The following HNRNPH3 variants were observed in gnomAD, a reference collection of about 807,000 sequenced individuals.
The protein encoded by HNRNPH3 is heterogeneous nuclear ribonucleoprotein H3.
Under a neutral mutation model 47.0 loss-of-function variants are expected in HNRNPH3, and 7 were observed. The ratio of observed to expected loss-of-function variants is 0.15; its 90% CI spans 0.08 to 0.28. The LOEUF is 0.28. Among genes scored for constraint, HNRNPH3 ranks in the 10% least tolerant of loss-of-function variants. The probability of loss-of-function intolerance (pLI) is 1.00; values close to 1 mark genes in which losing one functional copy is unlikely to be tolerated. For synonymous variants in HNRNPH3, 120 were observed against 143.2 expected (o/e 0.84, Z 1.16); for missense variants, 279 against 449.6 (o/e 0.62, Z 3.43).
upstream of HNRNPH3, chr10:68,331,947 G>A (rs1285310965): frequency 6.6e-6 from 1 of 152,318 alleles, no homozygotes; most frequent in African/African-American, 2.4e-5. Flanking sequence ...GGCGCGCTGC[G>A]TGCCGCCAGC....
rs2046009847 is a variant in HNRNPH3, at chr10:68,342,208, A to G, written c.*154A>G. The G allele has an allele frequency of 3.6e-6, 2 of 556,652 alleles. No homozygotes were observed. The highest frequency in any genetic ancestry group is 6.2e-6 in the Non-Finnish European group (2 of 321,124). 34.5% of individuals were successfully genotyped at this position (556,652 alleles called of 1,614,324 possible). ...TGGTAAAGCAACAGATTGTGATGGG[A>G]AAATGTTTTCTGTAGGTTTATTTGT... is the stretch of plus-strand genomic sequence containing the variant. On this transcript the variant is annotated 3_prime_UTR_variant, in exon 10 of 10. Transcript: ENST00000265866.
intron 4 of HNRNPH3, 85 bp from the exon 5 acceptor site, chr10:68,339,055 T>G (rs1217283870): frequency 1.8e-6 from 2 of 1,102,222 alleles, no homozygotes; most frequent in African/African-American, 3.1e-5. Context: ...ACACAGACTG[T>G]TACCACAAAA....
Position 68,339,236 on chromosome 10 carries a change from ATATT to A in HNRNPH3, c.523+11_523+14del, listed in dbSNP as rs2045696287. 3.2e-6 allele frequency: 5 copies of A among 1,581,792 alleles called. No individual in the cohort carries two copies. In the Middle Eastern group the frequency reaches 5.0e-4, roughly 158 times the overall value. ...ATGAGAGATGGAAGAGGTAAAATAA[ATATT>A]AAAGACATTTTTATTCATAGGTAAA... On this transcript the variant is annotated intron_variant, in intron 5 of 9. Coordinates refer to ENST00000265866, the MANE Select transcript of HNRNPH3 (RefSeq NM_012207.3).
chr10:68,337,251 A>T lies in HNRNPH3; in HGVS notation c.30A>T (p.Pro10=), dbSNP rs1242717225. MDWVMKHNG[P]NDASDGTVRL... Reference sequence around the variant, plus strand: ...ATTGGGTTATGAAACATAATGGTCCAAATGACGCTAGTGATGGGACAGTAC... The same window carrying T: ...ATTGGGTTATGAAACATAATGGTCCTAATGACGCTAGTGATGGGACAGTAC... Residue 10 remains proline (P), a synonymous_variant, in exon 2 of 10, where the codon CCA becomes CCT. Transcript: ENST00000265866. This position sits in a 1 kb window ranked among gnomAD's most constrained non-coding sequence, Gnocchi z 4.5. 1.2e-6 allele frequency: 2 copies of T among 1,612,602 alleles called. No individual in the cohort carries two copies. Among genetic ancestry groups the T allele is most frequent in the African/African-American group, 2.7e-5 (2 of 75,044 alleles).
intron 7 of HNRNPH3, 117 bp downstream of exon 7, chr10:68,341,426 C>CTATAA: frequency 8.8e-7 from 1 of 1,137,806 alleles, no homozygotes; most frequent in Non-Finnish European, 1.3e-6. Context: ...CATTTGACCT[C>CTATAA]TATAATGGCT....
In HNRNPH3 at chr10:68,337,875, A is replaced by G. The variant is rs1203458092; in HGVS notation, c.130A>G (p.Asn44Asp). 6.2e-7 allele frequency: 1 copy of G among 1,612,816 alleles called. No individual in the cohort carries two copies. The highest frequency in any genetic ancestry group is 8.5e-7 in the Non-Finnish European group (1 of 1,179,110). Residue 44 changes from asparagine to aspartate, a missense_variant, in exon 3 of 10, where the codon AAT (asparagine) becomes GAT (aspartate). Physicochemically the swap from Asn to Asp is conservative, Grantham distance 23. Coordinates refer to ENST00000265866, the MANE Select transcript of HNRNPH3 (RefSeq NM_012207.3). The surrounding 1 kb of genome is among the most constrained non-coding windows in gnomAD (Gnocchi z 4.5). The part of the protein sequence containing the change: ...QFFQGLEIVP[N>D]GITLTMDYQG... ...GGTTAAAGGGTTGGAAATCGTGCCA[A>G]ATGGGATAACATTGACGATGGACTA...
chr10:68,338,165 T>C, intron 3 of HNRNPH3, 169 bp downstream of exon 3: 4 of 511,932 alleles, frequency 7.8e-6, no homozygotes, highest in Non-Finnish European at 1.4e-5. Flanking sequence ...GAATTAATGC[T>C]AATAGTTAAA....
At chr10:68,339,409 G>A (rs1441204269) in intron 5 of HNRNPH3, 31 bp from the exon 6 acceptor site, 2 of 1,581,296 alleles carry the variant, frequency 1.3e-6, no homozygotes, top group Non-Finnish European at 1.7e-6. Flanking sequence ...ATCTGTAATA[G>A]TTTATAATCT....
intron 4 of HNRNPH3, 169 bp downstream of exon 4, chr10:68,338,856 T>C (rs2045670137): frequency 3.6e-6 from 2 of 552,570 alleles, no homozygotes. Flanking sequence ...GATGCACATA[T>C]TGGCACCTAG....
intron 1 of HNRNPH3, among the ~76,000 whole-genome samples, chr10:68,333,418 T>C (rs764360253): frequency 4.0e-5 from 6 of 150,996 alleles, no homozygotes; most frequent in Non-Finnish European, 7.4e-5. Flanking sequence ...AAATTGAGCT[T>C]TCGATGTTAA....
At chr10:68,336,314 T>C (rs968304990) in intron 1 of HNRNPH3, among the ~76,000 whole-genome samples, 2 of 152,138 alleles carry the variant, frequency 1.3e-5, no homozygotes, top group African/African-American at 4.8e-5. Flanking sequence ...GTAAATATTA[T>C]GGAATTTTAA....
At chr10:68,333,123 G>A (rs887601113) in intron 1 of HNRNPH3, 4 of 147,492 alleles carry the variant, frequency 2.7e-5, no homozygotes, top group East Asian at 4.0e-4. Context: ...ATTTTCCAAA[G>A]GGTTTTTTTT....
intron 3 of HNRNPH3, 64 bp downstream of exon 3, chr10:68,338,060 C>T (rs1310353825): frequency 5.9e-5 from 73 of 1,247,606 alleles, no homozygotes; most frequent in Middle Eastern, 2.0e-4. Flanking sequence ...GTCACTATTG[C>T]TTAAATGGGG....
intron 1 of HNRNPH3, chr10:68,332,791 G>A (rs1289932134): frequency 1.3e-5 from 2 of 152,308 alleles, no homozygotes; most frequent in Non-Finnish European, 2.9e-5. Context: ...TACCTGGGCT[G>A]ACGGGACTGC....
Position 68,342,256 on chromosome 10 carries a change from A to G in HNRNPH3, c.*202A>G. On this transcript the variant is annotated 3_prime_UTR_variant, in exon 10 of 10. Transcript: ENST00000265866. ...TGTTGCATACTTTGACTTAAAAATA[A>G]ATTTTTATATTCAAACCACTGATGT... The G allele has an allele frequency of 2.0e-6, 1 of 488,348 alleles. No individual in the cohort carries two copies. Among genetic ancestry groups the G allele is most frequent in the South Asian group, 3.4e-5 (1 of 29,560 alleles). 30.3% of individuals were successfully genotyped at this position (488,348 alleles called of 1,614,324 possible). A position where few individuals can be genotyped will look rare whatever the true frequency, so the allele number is the denominator to read the frequency against.
chr10:68,336,308 A>G (rs1231136773), intron 1 of HNRNPH3, among the ~76,000 whole-genome samples: 1 of 152,104 alleles, frequency 6.6e-6, no homozygotes, highest in African/African-American at 2.4e-5. Context: ...TCTTTTGTAA[A>G]TATTATGGAA....
intron 1 of HNRNPH3, among the ~76,000 whole-genome samples, chr10:68,334,126 T>C (rs937796935): frequency 3.9e-5 from 6 of 152,196 alleles, no homozygotes; most frequent in Admixed American, 2.0e-4. Flanking sequence ...AACTAACATT[T>C]TAGAGACCTT....
In HNRNPH3 at chr10:68,343,085, A is replaced by G. The variant is rs1259525339; in HGVS notation, c.*1031A>G. ...CTTTGATCAATATGGCTTTTTTCCA[A>G]ATTGGCTAATGGATCAAAATGAAAC... On this transcript the variant is annotated 3_prime_UTR_variant, in exon 10 of 10. Transcript: ENST00000265866. 1.3e-5 allele frequency: 2 copies of G among 152,208 alleles called. No individual in the cohort carries two copies. The highest frequency in any genetic ancestry group is 3.8e-4 in the East Asian group (2 of 5,204). 9.4% of individuals were successfully genotyped at this position (152,208 alleles called of 1,614,324 possible). A position where few individuals can be genotyped will look rare whatever the true frequency, so the allele number is the denominator to read the frequency against.
chr10:68,337,034 C>G lies in HNRNPH3; in HGVS notation c.-23-165C>G. 2.1e-6 allele frequency: 1 copy of G among 484,602 alleles called. No homozygotes were observed. Among genetic ancestry groups the G allele is most frequent in the Non-Finnish European group, 3.7e-6 (1 of 272,768 alleles). The allele number at this position is 484,602 out of a possible 1,614,324, so 30.0% of individuals were successfully genotyped here. On this transcript the variant is annotated intron_variant, in intron 1 of 9. Coordinates refer to ENST00000265866, the MANE Select transcript of HNRNPH3 (RefSeq NM_012207.3). The surrounding 1 kb of genome is among the most constrained non-coding windows in gnomAD (Gnocchi z 4.5). ...GTCAGGTCTCATTGCCTTTTCCGTA[C>G]CCCAAAATATGAAAGGTGGTCTACA...
Sources: gnomAD v4.1 joint callset for allele counts (sites outside exome capture counted in the v4.1 genomes callset) on GRCh38, gnomAD v4.1.1 for gene constraint, Gnocchi (gnomAD v3.1) non-coding constraint, MANE v1.5 for transcripts, NCBI Gene and HGNC (gene_info 2026-07-23, HGNC 2026-07-21) for gene names.